The following MKLN1 variants were observed in gnomAD, a reference collection of about 807,000 sequenced individuals.
The protein encoded by MKLN1 is muskelin.
MKLN1 carries 18 observed loss-of-function variants against 99.0 expected under a neutral mutation model. That is an observed-to-expected ratio of 0.18 (90% CI 0.13 to 0.27). The LOEUF (loss-of-function observed/expected upper bound fraction) is 0.27. Ranked by LOEUF, MKLN1 falls within the 10% of genes least tolerant of loss-of-function variation. MKLN1 has a pLI of 1.00. For synonymous variants in MKLN1, 288 were observed against 293.2 expected (o/e 0.98, Z 0.18); for missense variants, 621 against 875.9 (o/e 0.71, Z 3.67).
At chr7:131,399,527 A>T in intron 6 of MKLN1, 94 bp downstream of exon 6, 1 of 1,096,692 alleles carries the variant, frequency 9.1e-7, no homozygotes, top group Non-Finnish European at 1.3e-6. Context: ...TTATTACTGT[A>T]ATTTTTTTTC....
chr7:131,465,356 T>G (rs1796628536), intron 14 of MKLN1, among the ~76,000 whole-genome samples: 1 of 152,198 alleles, frequency 6.6e-6, no homozygotes, highest in Non-Finnish European at 1.5e-5. Flanking sequence ...GTTTCTTCAC[T>G]GTTTTGTCTT....
intron 1 of MKLN1, among the ~76,000 whole-genome samples, chr7:131,334,450 T>A (rs1053591627): frequency 6.6e-6 from 1 of 152,188 alleles, no homozygotes; most frequent in East Asian, 1.9e-4. Context: ...GTACTCAGGA[T>A]GAGAATTTGA....
intron 1 of MKLN1, among the ~76,000 whole-genome samples, chr7:131,359,497 T>G (rs1799967644): frequency 6.6e-6 from 1 of 152,190 alleles, no homozygotes; most frequent in Admixed American, 6.5e-5. Context: ...CAAAGTCAGT[T>G]AGATCTAGTT....
chr7:131,238,569 A>G (rs1237310406), intron 3 of MKLN1, among the ~76,000 whole-genome samples: 4 of 152,370 alleles, frequency 2.6e-5, no homozygotes, highest in African/African-American at 7.2e-5. Flanking sequence ...AGAAGTCTGG[A>G]CTACAGGGAC....
intron 6 of MKLN1, among the ~76,000 whole-genome samples, chr7:131,410,196 CTTAAGTAGATTATGAGTTTATCA>C (rs1213270811): frequency 6.6e-6 from 1 of 151,998 alleles, no homozygotes; most frequent in East Asian, 1.9e-4. Context: ...AGTGTAACAA[CTTAAGTAGATTATGAGTTTATCA>C]ATACAGCAGA....
At chr7:131,452,667 C>T (rs1796217488) in intron 12 of MKLN1, among the ~76,000 whole-genome samples, 1 of 150,432 alleles carries the variant, frequency 6.6e-6, no homozygotes, top group South Asian at 2.1e-4. Flanking sequence ...TCTCCTGCCT[C>T]AGCCTCCCGA....
intron 3 of MKLN1, among the ~76,000 whole-genome samples, chr7:131,216,078 A>G (rs994719323): frequency 1.3e-5 from 2 of 151,944 alleles, no homozygotes; most frequent in African/African-American, 4.8e-5. Flanking sequence ...AGCCCCATTT[A>G]TTGCTTTGCA....
intron 3 of MKLN1, among the ~76,000 whole-genome samples, chr7:131,250,161 G>A (rs998266408): frequency 1.3e-5 from 2 of 152,158 alleles, no homozygotes; most frequent in Non-Finnish European, 2.9e-5. Flanking sequence ...TGACCATGGC[G>A]ATCAGCCACA....
intron 3 of MKLN1, among the ~76,000 whole-genome samples, chr7:131,270,299 T>C (rs1354960961): frequency 1.3e-5 from 2 of 152,104 alleles, no homozygotes; most frequent in African/African-American, 2.4e-5. Context: ...CTTGGCTCAC[T>C]GTAACCTCTG....
At chr7:131,176,872 A>T (rs937489760) in intron 2 of MKLN1, among the ~76,000 whole-genome samples, 11 of 152,254 alleles carry the variant, frequency 7.2e-5, no homozygotes, top group Non-Finnish European at 1.0e-4. Context: ...AAACAGTGAC[A>T]GCCATCAATG....
intron 3 of MKLN1, among the ~76,000 whole-genome samples, chr7:131,252,364 C>T (rs1797596269): frequency 7.2e-6 from 1 of 138,646 alleles, no homozygotes; most frequent in Admixed American, 7.7e-5. Flanking sequence ...AGTCTTGCTC[C>T]ATCACCCAGG....
chr7:131,176,636 C>T (rs1173047159), intron 2 of MKLN1, among the ~76,000 whole-genome samples: 2 of 152,230 alleles, frequency 1.3e-5, no homozygotes, highest in Non-Finnish European at 1.5e-5. Context: ...CCATAGTGTT[C>T]CCCATTCAGC....
At chr7:131,153,321 A>G (rs1488395011) in intron 2 of MKLN1, among the ~76,000 whole-genome samples, 1 of 152,054 alleles carries the variant, frequency 6.6e-6, no homozygotes, top group Non-Finnish European at 1.5e-5. Flanking sequence ...ATTATTTATT[A>G]TTCTTATTAA....
intron 2 of MKLN1, among the ~76,000 whole-genome samples, chr7:131,378,222 C>T (rs1793724627): frequency 6.6e-6 from 1 of 152,172 alleles, no homozygotes; most frequent in Non-Finnish European, 1.5e-5. Context: ...AGTGATTCTC[C>T]TGCCTCAGCC....
At position 131,297,392 on chromosome 7, in the gene MKLN1, G is replaced by GTA. The variant is rs577816034; in HGVS notation, c.-178-78023_-178-78022dup. ...AAAATATATATATATATGTGTGTGT[G>GTA]TATATATATACACAAATACTCTGTG... is the stretch of plus-strand genomic sequence containing the variant. On this transcript the variant is annotated intron_variant, in intron 3 of 7. Coordinates refer to the MKLN1 transcript ENST00000416992. Among the ~76,000 whole-genome samples, 195 of 140,310 alleles carry GTA rather than the reference G, an allele frequency of 1.4e-3. 1 individual carries two copies. Among genetic ancestry groups the GTA allele is most frequent in the African/African-American group, 4.6e-3 (178 of 38,660 alleles). The allele number at this position is 140,310 out of a possible 152,430, so 92.0% of individuals were successfully genotyped here. A position where few individuals can be genotyped will look rare whatever the true frequency, so the allele number is the denominator to read the frequency against.
At position 131,376,771 on chromosome 7, in the gene MKLN1, GC is replaced by G. The variant is rs1291498989; in HGVS notation, c.168+1283del. On this transcript the variant is annotated intron_variant, in intron 2 of 17. Transcript: ENST00000352689. Reference sequence around the variant, plus strand: ...TGCTATCTTTTGAAGCCTCCTTTGAGCCCCCTCTTATATCTTTCCTCTAACC... The same window carrying G: ...TGCTATCTTTTGAAGCCTCCTTTGAGCCCCTCTTATATCTTTCCTCTAACC... 7.9e-5 allele frequency among the ~76,000 whole-genome samples: 12 copies of G among 151,710 alleles called. No homozygotes were observed. In the East Asian group the frequency reaches 1.9e-3, roughly 24 times the overall value.
rs139752779 is a variant in MKLN1, at chr7:131,130,330, G to A, written c.-418-12490G>A. Among the ~76,000 whole-genome samples, 9 of 152,336 alleles carry A rather than the reference G, an allele frequency of 5.9e-5. 1 individual carries two copies. Among genetic ancestry groups the A allele is most frequent in the African/African-American group, 2.2e-4 (9 of 41,568 alleles). On this transcript the variant is annotated intron_variant, in intron 1 of 7. Transcript: ENST00000416992. Reference sequence around the variant, plus strand: ...GATTCCAGAACCTACAGCCTGATAAGCTTAGTTTGGTTAGGGAAAGAAAGT... The same window carrying A: ...GATTCCAGAACCTACAGCCTGATAAACTTAGTTTGGTTAGGGAAAGAAAGT...
chr7:131,389,317 G>A (rs755321883), intron 4 of MKLN1, among the ~76,000 whole-genome samples: 3 of 151,918 alleles, frequency 2.0e-5, no homozygotes, highest in Admixed American at 1.3e-4. Flanking sequence ...TAGATTTTAT[G>A]GGATCTAGTG....
intron 2 of MKLN1, among the ~76,000 whole-genome samples, chr7:131,383,706 A>T (rs1793918443): frequency 6.6e-6 from 1 of 152,188 alleles, no homozygotes; most frequent in South Asian, 2.1e-4. Context: ...CTGTTATTGA[A>T]GTCAGAAACT....
Sources: allele counts gnomAD v4.1 joint callset (sites outside exome capture counted in the v4.1 genomes callset), GRCh38; gene constraint gnomAD v4.1.1; transcripts MANE v1.5; gene names NCBI Gene and HGNC (gene_info 2026-07-23, HGNC 2026-07-21).